MCPH1: variants seen among roughly 807,000 people sequenced by gnomAD.
MCPH1 encodes the protein microcephalin 1.
Under a neutral mutation model 84.5 loss-of-function variants are expected in MCPH1, and 104 were observed. The observed-to-expected ratio is 1.23, with a 90% confidence interval of 1.05 to 1.45. The LOEUF is 1.45. Among genes scored for constraint, MCPH1 ranks in the 40% most tolerant of loss-of-function variants. The probability of loss-of-function intolerance (pLI) is 0.00; values close to 1 mark genes in which losing one functional copy is unlikely to be tolerated. For missense variants in MCPH1, 1,498 were observed against 1,005.7 expected (o/e 1.49, Z -6.62); for synonymous variants, 514 against 366.8 (o/e 1.40, Z -4.58).
chr8:6,541,647 T>C (rs369827311), intron 12 of MCPH1, among the ~76,000 whole-genome samples: 2 of 152,298 alleles, frequency 1.3e-5, no homozygotes, highest in South Asian at 4.1e-4. Context: ...GCTTAGAAGA[T>C]AGTAGTGATG....
chr8:6,582,008 T>C (rs970550474), intron 12 of MCPH1, among the ~76,000 whole-genome samples: 2 of 152,106 alleles, frequency 1.3e-5, no homozygotes, highest in Admixed American at 6.5e-5. Context: ...TACTCTTGCA[T>C]TGGGGATTAG....
At chr8:6,618,520 G>C (rs1831090418) in intron 12 of MCPH1, 1 of 152,252 alleles carries the variant, frequency 6.6e-6, no homozygotes, top group Non-Finnish European at 1.5e-5. Flanking sequence ...TTTTGGTTAA[G>C]AACAAGCATT....
chr8:6,468,817 T>G (rs999277761), intron 9 of MCPH1, among the ~76,000 whole-genome samples: 2 of 152,082 alleles, frequency 1.3e-5, no homozygotes, highest in African/African-American at 4.8e-5. Context: ...TAAAAGTCTG[T>G]GAATTTGAGT....
chr8:6,581,551 T>C (rs1418461852), intron 12 of MCPH1, among the ~76,000 whole-genome samples: 2 of 152,234 alleles, frequency 1.3e-5, no homozygotes, highest in Admixed American at 1.3e-4. Flanking sequence ...TACAGAACAA[T>C]ATCTTCTGAC....
At chr8:6,458,426 C>T (rs1291870642) in intron 9 of MCPH1, among the ~76,000 whole-genome samples, 1 of 147,298 alleles carries the variant, frequency 6.8e-6, no homozygotes, top group African/African-American at 2.5e-5. Flanking sequence ...GAGCTGAGAT[C>T]GTGCCACTGC....
intron 12 of MCPH1, chr8:6,503,243 C>T: frequency 6.2e-7 from 1 of 1,614,168 alleles, no homozygotes; most frequent in South Asian, 1.1e-5. Context: ...GGAAGGACCA[C>T]ATGCATCAAA....
At chr8:6,633,266 A>G (rs528973259) in intron 13 of MCPH1, among the ~76,000 whole-genome samples, 2 of 152,366 alleles carry the variant, frequency 1.3e-5, no homozygotes, top group South Asian at 4.1e-4. Context: ...TTTGCATGTC[A>G]TACAGTTGTC....
At chr8:6,417,554 G>A (rs1476279035) in intron 3 of MCPH1, among the ~76,000 whole-genome samples, 1 of 151,590 alleles carries the variant, frequency 6.6e-6, no homozygotes, top group Non-Finnish European at 1.5e-5. Context: ...CTTTTTTCAA[G>A]TTCATTGACT....
intron 13 of MCPH1, among the ~76,000 whole-genome samples, chr8:6,638,238 C>T (rs1192808240): frequency 2.0e-5 from 3 of 152,296 alleles, no homozygotes; most frequent in Admixed American, 6.5e-5. Flanking sequence ...GGGTGACCAC[C>T]GTCCCACAGT....
At chr8:6,515,815 C>T (rs1003686848) in intron 12 of MCPH1, among the ~76,000 whole-genome samples, 1 of 152,174 alleles carries the variant, frequency 6.6e-6, no homozygotes, top group Non-Finnish European at 1.5e-5. Flanking sequence ...GGCGATTTGG[C>T]AGGGTAAGCT....
At chr8:6,638,931 C>T (rs1026054467) in intron 13 of MCPH1, among the ~76,000 whole-genome samples, 2 of 152,222 alleles carry the variant, frequency 1.3e-5, no homozygotes, top group African/African-American at 4.8e-5. Context: ...GCTGCCCGCA[C>T]ACTCAGTCAC....
chr8:6,426,295 G>A (rs1231551039), intron 3 of MCPH1, among the ~76,000 whole-genome samples: 1 of 152,130 alleles, frequency 6.6e-6, no homozygotes, highest in South Asian at 2.1e-4. Flanking sequence ...AAAATACAGA[G>A]CATTTTCATC....
At chr8:6,617,980 C>T (rs1017485697) in intron 12 of MCPH1, among the ~76,000 whole-genome samples, 1 of 147,154 alleles carries the variant, frequency 6.8e-6, no homozygotes, top group Non-Finnish European at 1.5e-5. Context: ...CTATGTTGCC[C>T]AGGCTGGTCT....
intron 11 of MCPH1, among the ~76,000 whole-genome samples, chr8:6,489,756 G>A (rs965507843): frequency 2.0e-5 from 3 of 152,166 alleles, no homozygotes; most frequent in South Asian, 2.1e-4. Flanking sequence ...ACAGATCATC[G>A]TCCTAGTGCT....
chr8:6,477,422 T>C, intron 9 of MCPH1, 172 bp from the exon 10 acceptor site: 1 of 612,024 alleles, frequency 1.6e-6, no homozygotes, highest in Non-Finnish European at 2.8e-6. Flanking sequence ...AGTTTCTATC[T>C]CTTGGCCTGT....
chr8:6,435,435 A>G (rs1181358501), intron 4 of MCPH1, among the ~76,000 whole-genome samples: 1 of 152,144 alleles, frequency 6.6e-6, no homozygotes, highest in Non-Finnish European at 1.5e-5. Context: ...TAGGCAGAGA[A>G]AACAAAGTGT....
intron 12 of MCPH1, among the ~76,000 whole-genome samples, chr8:6,535,804 T>C (rs1264284170): frequency 6.6e-6 from 1 of 152,056 alleles, no homozygotes. Flanking sequence ...TCCCAGCACT[T>C]TGGGAGGCCG....
At chr8:6,574,279 G>A (rs1826887069) in intron 12 of MCPH1, among the ~76,000 whole-genome samples, 1 of 152,110 alleles carries the variant, frequency 6.6e-6, no homozygotes, top group Non-Finnish European at 1.5e-5. Context: ...GAAACCTATA[G>A]GGGGTCCTTC....
intron 8 of MCPH1, among the ~76,000 whole-genome samples, chr8:6,450,131 C>T (rs1329443906): frequency 1.3e-5 from 2 of 152,150 alleles, no homozygotes; most frequent in Non-Finnish European, 2.9e-5. Context: ...TGGTCATGTC[C>T]AACTACCAGG....
Sources: allele counts gnomAD v4.1 joint callset (sites outside exome capture counted in the v4.1 genomes callset), GRCh38; gene constraint gnomAD v4.1.1; transcripts MANE v1.5; gene names NCBI Gene and HGNC (gene_info 2026-07-23, HGNC 2026-07-21).